Variants in CHRNE observed in about 807,000 individuals in gnomAD.
CHRNE encodes the protein cholinergic receptor nicotinic epsilon subunit.
Under a neutral mutation model 56.5 loss-of-function variants are expected in CHRNE, and 58 were observed. That is an observed-to-expected ratio of 1.03 (90% confidence interval 0.83 to 1.28). CHRNE has a LOEUF of 1.28. Among genes scored for constraint, CHRNE ranks in the 50% most tolerant of loss-of-function variants. The pLI is 0.00. For synonymous variants in CHRNE, 385 were observed against 297.9 expected (o/e 1.29, Z -3.01); for missense variants, 793 against 688.9 (o/e 1.15, Z -1.69).
At chr17:4,906,135 C>T (rs1206140039), upstream of CHRNE, among the ~76,000 whole-genome samples, 1 of 152,226 alleles carries the variant, frequency 6.6e-6, no homozygotes, top group Non-Finnish European at 1.5e-5. Context: ...TGGCTTCTCT[C>T]TGCAGAGGCA....
intron 8 of CHRNE, chr17:4,900,548 G>A (rs965749462): frequency 1.9e-6 from 3 of 1,550,350 alleles, no homozygotes; most frequent in African/African-American, 1.4e-5. Flanking sequence ...CAGAGGCGGC[G>A]GGGCTAGGGA....
At chr17:4,907,592 A>C (rs1475658903), upstream of CHRNE, among the ~76,000 whole-genome samples, 2 of 131,904 alleles carry the variant, frequency 1.5e-5, no homozygotes, top group Non-Finnish European at 1.6e-5. Context: ...AAAAAAAAAC[A>C]CTCTCAGCCC....
intron 8 of CHRNE, chr17:4,900,315 GGT>G (rs1241156687): frequency 4.5e-6 from 7 of 1,545,458 alleles, no homozygotes; most frequent in Non-Finnish European, 6.1e-6. Flanking sequence ...CAGGGATCCG[GGT>G]GCAGCGCTGA....
chr17:4,907,375 A>T (rs1406382329), upstream of CHRNE, among the ~76,000 whole-genome samples: 1 of 151,758 alleles, frequency 6.6e-6, no homozygotes, highest in Non-Finnish European at 1.5e-5. Context: ...CATCCTGGCT[A>T]GCATGGTGAA....
At chr17:4,907,301 C>A (rs1292709305), upstream of CHRNE, among the ~76,000 whole-genome samples, 1 of 152,038 alleles carries the variant, frequency 6.6e-6, no homozygotes, top group Non-Finnish European at 1.5e-5. Context: ...CGGGGGCTCA[C>A]GCCTGTAATC....
In CHRNE at chr17:4,899,306, G is replaced by T. The variant is rs769811534; in HGVS notation, c.1111C>A (p.Arg371=). The T allele has an allele frequency of 1.9e-6, 3 of 1,585,406 alleles. No homozygotes were observed. The change falls in exon 10 of 12, where the codon CGG becomes AGG. Residue 371 remains arginine (R), a synonymous_variant. Transcript: ENST00000649488. ...EAPRAASPPR[R]ASSVGLLLRA... ...AGCAATAAGCCCACCGACGACGCCC[G>T]CCTTGGGGGCGAGGCGGCCCGGGGG...
chr17:4,901,316 G>A (rs1456855152), intron 6 of CHRNE, 126 bp from the exon 7 acceptor site: 3 of 1,078,578 alleles, frequency 2.8e-6, no homozygotes, highest in Non-Finnish European at 4.1e-6. Flanking sequence ...GGGCAATTAC[G>A]GACAGAAAAG....
At position 4,901,154 on chromosome 17, in the gene CHRNE, A is replaced by AC; in HGVS notation, c.637dup (p.Val213GlyfsTer17). On this transcript the variant is annotated frameshift_variant, in exon 7 of 12. Coordinates refer to ENST00000649488, the MANE Select transcript of CHRNE (RefSeq NM_000080.4). LOFTEE classifies it high-confidence loss of function. ...GGCGCCACCGTGGTGGCGGCGGATC[A>AC]CCCCCGGGCAGAAGTCGATGGCCCA... 1 of 1,608,592 alleles carries AC rather than the reference A, an allele frequency of 6.2e-7. No individual in the cohort carries two copies.
In CHRNE at chr17:4,898,378, T is replaced by G. The variant is rs1969794722; in HGVS notation, c.*358A>C. 1 of 343,868 alleles carries G rather than the reference T, an allele frequency of 2.9e-6. No individual in the cohort carries two copies. Among genetic ancestry groups the G allele is most frequent in the South Asian group, 2.5e-5 (1 of 39,474 alleles). 21.3% of individuals were successfully genotyped at this position (343,868 alleles called of 1,614,324 possible). A position where few individuals can be genotyped will look rare whatever the true frequency, so the allele number is the denominator to read the frequency against. ...CCTGTGTGCAAGTCCTGCAAAGGGG[T>G]CTCCTGTTTGGCTATGAAATGAATA... On this transcript the variant is annotated 3_prime_UTR_variant, in exon 12 of 12. Transcript: ENST00000649488.
At chr17:4,907,566 C>CAAA (rs34317332), upstream of CHRNE, among the ~76,000 whole-genome samples, 266 of 61,032 alleles carry the variant, frequency 4.4e-3, 2 homozygotes, top group African/African-American at 0.012. Flanking sequence ...GACTCAGTCT[C>CAAA]AAAAAAAAAA....
rs1247743244 is a variant in CHRNE at position 4,903,025 on chromosome 17, C to T, written c.39G>A (p.Gly13=). The change falls in exon 1 of 12, where the codon GGG becomes GGA. Residue 13 remains glycine, a synonymous_variant. Coordinates refer to ENST00000649488, the MANE Select transcript of CHRNE (RefSeq NM_000080.4). ...RAPLGVLLLL[G]LLGRGVGKNE... is the part of the protein sequence containing the mutation. ...TCTAGCCCCTGTCCGTACCGAGAAG[C>T]CCCAAGAGGAGCAGGACCCCAAGCG... The T allele has an allele frequency of 1.2e-6, 2 of 1,614,054 alleles. No individual in the cohort carries two copies. Among genetic ancestry groups the T allele is most frequent in the Non-Finnish European group, 1.7e-6 (2 of 1,180,006 alleles).
rs1969804090 is a variant in CHRNE, at chr17:4,898,511, A to G, written c.*225T>C. On this transcript the variant is annotated 3_prime_UTR_variant, in exon 12 of 12. Transcript: ENST00000649488. ...ATGAAGGGCAGTCCTTGCTTTCTGG[A>G]AGACTGGCACCTGAGAGCCTATGTG... The G allele has an allele frequency of 1.6e-6, 1 of 607,274 alleles. No homozygotes were observed. Among genetic ancestry groups the G allele is most frequent in the African/African-American group, 1.8e-5 (1 of 54,086 alleles). 37.6% of individuals were successfully genotyped at this position (607,274 alleles called of 1,614,324 possible).
In CHRNE at chr17:4,898,688, A is replaced by G; in HGVS notation, c.*48T>C. 2.5e-6 allele frequency: 4 copies of G among 1,585,142 alleles called. No homozygotes were observed. Among genetic ancestry groups the G allele is most frequent in the Non-Finnish European group, 3.4e-6 (4 of 1,166,796 alleles). On this transcript the variant is annotated 3_prime_UTR_variant, in exon 12 of 12. Coordinates refer to ENST00000649488, the MANE Select transcript of CHRNE (RefSeq NM_000080.4). Reference sequence around the variant, plus strand: ...GTGGTGGCGGCAGCCTACTTTTTCAAAATCAATTTCCTACTGGAGATGGGT... The same window carrying G: ...GTGGTGGCGGCAGCCTACTTTTTCAGAATCAATTTCCTACTGGAGATGGGT...
In CHRNE at chr17:4,901,963, A is replaced by G. The variant is rs368846437; in HGVS notation, c.469T>C (p.Phe157Leu). Residue 157 changes from phenylalanine to leucine, a missense_variant, in exon 5 of 12, where the codon TTC becomes CTC. By Grantham distance (22) the Phe-to-Leu change is conservative. Coordinates refer to ENST00000649488, the MANE Select transcript of CHRNE (RefSeq NM_000080.4). ...VCAVEVTYFP[F>L]DWQNCSLIFR... ...ATAAGCGAACAGTTCTGCCAATCGA[A>G]GGGGAAGTAGGTGACCTCCACTGCG... 3.5e-5 allele frequency: 57 copies of G among 1,610,022 alleles called. No individual in the cohort carries two copies. Among genetic ancestry groups the G allele is most frequent in the Non-Finnish European group, 4.8e-5 (56 of 1,177,690 alleles).
chr17:4,908,543 G>T (rs1970118168), intron 1 of CHRNE, among the ~76,000 whole-genome samples: 2 of 152,170 alleles, frequency 1.3e-5, no homozygotes, highest in African/African-American at 4.8e-5. Context: ...TGCTCACAGT[G>T]AGGACTGCCT....
In CHRNE at chr17:4,902,045, G is replaced by C. The variant is rs767908282; in HGVS notation, c.387C>G (p.Leu129=). The part of the protein sequence containing the change: ...QFGVAYDANV[L]VYEGGSVTWL... ...ACGTCACGGAGCCGCCCTCGTAGAC[G>C]AGCACGTTGGCGTCGTAGGCCACTC... The change falls in exon 5 of 12, where the codon CTC becomes CTG. Residue 129 remains leucine (L), a synonymous_variant. Transcript: ENST00000649488. The surrounding 1 kb of genome is among the most constrained non-coding windows in gnomAD (Gnocchi z 4.0). 5 of 1,614,114 alleles carry C rather than the reference G, an allele frequency of 3.1e-6. No homozygotes were observed. The highest frequency in any genetic ancestry group is 4.2e-6 in the Non-Finnish European group (5 of 1,180,050).
At chr17:4,907,481 T>C (rs1970104639), upstream of CHRNE, among the ~76,000 whole-genome samples, 1 of 139,866 alleles carries the variant, frequency 7.1e-6, no homozygotes, top group African/African-American at 2.7e-5. Context: ...GGCAGGAGAA[T>C]GGCGTGAACC....
Position 4,899,838 on chromosome 17 carries a change from C to T in CHRNE, c.918-256G>A, listed in dbSNP as rs1487464258. The T allele has an allele frequency of 3.9e-6, 6 of 1,550,872 alleles. No homozygotes were observed. In the Admixed American group the frequency reaches 5.9e-5, roughly 15 times the overall value. ...CCACAGCTCCACCGAGGTGAGGCTA[C>T]GCCCGCCAAGGGCTGCACCTCGAGA... On this transcript the variant is annotated intron_variant, in intron 8 of 11. Transcript: ENST00000649488.
chr17:4,905,391 A>G (rs187274959), upstream of CHRNE, among the ~76,000 whole-genome samples: 67 of 152,198 alleles, frequency 4.4e-4, no homozygotes, highest in East Asian at 0.011. Flanking sequence ...TCTCTACAAA[A>G]ATAAATAAAC....
Sources: allele counts gnomAD v4.1 joint callset (sites outside exome capture counted in the v4.1 genomes callset), GRCh38; gene constraint gnomAD v4.1.1; non-coding constraint Gnocchi (gnomAD v3.1); transcripts MANE v1.5; gene names NCBI Gene and HGNC (gene_info 2026-07-23, HGNC 2026-07-21).